PDE7B: variants seen among roughly 807,000 people sequenced by gnomAD.
PDE7B encodes 3',5'-cyclic-AMP phosphodiesterase 7B.
PDE7B carries 29 observed loss-of-function variants against 56.2 expected under a neutral mutation model. The ratio of observed to expected loss-of-function variants is 0.52; its 90% CI spans 0.38 to 0.70. The LOEUF (loss-of-function observed/expected upper bound fraction) is 0.70. Ranked by LOEUF, PDE7B falls within the 30% of genes least tolerant of loss-of-function variation. The probability of loss-of-function intolerance (pLI) is 0.00; values close to 1 mark genes in which losing one functional copy is unlikely to be tolerated. For missense variants in PDE7B, 490 were observed against 565.0 expected (o/e 0.87, Z 1.35); for synonymous variants, 197 against 196.9 (o/e 1.00, Z 0.00).
intron 2 of PDE7B, among the ~76,000 whole-genome samples, chr6:135,972,355 T>G (rs1775109686): frequency 6.6e-6 from 1 of 151,884 alleles, no homozygotes; most frequent in African/African-American, 2.4e-5. Context: ...TTTTGGCTAC[T>G]GTCAAGTCAT....
At chr6:135,946,289 A>G (rs1449108493) in intron 1 of PDE7B, among the ~76,000 whole-genome samples, 1 of 151,374 alleles carries the variant, frequency 6.6e-6, no homozygotes, top group Non-Finnish European at 1.5e-5. Context: ...TATTATATAT[A>G]TATGTTTTAC....
At chr6:136,162,154 A>T (rs1464668521) in intron 8 of PDE7B, 1 of 152,182 alleles carries the variant, frequency 6.6e-6, no homozygotes, top group Non-Finnish European at 1.5e-5. Context: ...CCTAGGTATA[A>T]AAATAGCAAG....
At chr6:136,146,944 C>T (rs1209162979) in intron 3 of PDE7B, among the ~76,000 whole-genome samples, 4 of 152,032 alleles carry the variant, frequency 2.6e-5, no homozygotes, top group East Asian at 1.9e-4. Context: ...AGGCTCAAGA[C>T]GAGCCTGGGC....
chr6:136,160,038 G>A (rs531997591), intron 8 of PDE7B, among the ~76,000 whole-genome samples: 17 of 152,230 alleles, frequency 1.1e-4, no homozygotes, highest in Non-Finnish European at 1.6e-4. Context: ...AAAGGGAAAC[G>A]AAGGTTTTGC....
intron 2 of PDE7B, among the ~76,000 whole-genome samples, chr6:136,103,389 C>T (rs1196542452): frequency 6.6e-6 from 1 of 152,204 alleles, no homozygotes; most frequent in Non-Finnish European, 1.5e-5. Flanking sequence ...AACCTTCCTC[C>T]TCTCTTTTAG....
At chr6:135,897,486 T>C (rs1775923547) in intron 1 of PDE7B, among the ~76,000 whole-genome samples, 1 of 152,108 alleles carries the variant, frequency 6.6e-6, no homozygotes, top group Non-Finnish European at 1.5e-5. Flanking sequence ...GAAGGTGAAC[T>C]GAACTATACA....
At chr6:136,182,861 G>A (rs181749648) in intron 11 of PDE7B, among the ~76,000 whole-genome samples, 12 of 152,202 alleles carry the variant, frequency 7.9e-5, no homozygotes, top group Admixed American at 7.2e-4. Context: ...ATCACCTGAG[G>A]TCAGGAACTT....
At chr6:136,091,925 A>G (rs966022236) in intron 2 of PDE7B, among the ~76,000 whole-genome samples, 16 of 152,266 alleles carry the variant, frequency 1.1e-4, no homozygotes, top group Non-Finnish European at 1.5e-4. Context: ...TGTAGAAGAC[A>G]TTATATACTA....
At chr6:136,081,038 A>G (rs930107605) in intron 2 of PDE7B, among the ~76,000 whole-genome samples, 3 of 152,166 alleles carry the variant, frequency 2.0e-5, no homozygotes, top group African/African-American at 7.2e-5. Flanking sequence ...CAAACAAATC[A>G]ATGAGGTTGG....
intron 1 of PDE7B, among the ~76,000 whole-genome samples, chr6:135,945,193 A>G (rs1279892686): frequency 6.6e-6 from 1 of 152,218 alleles, no homozygotes; most frequent in Non-Finnish European, 1.5e-5. Context: ...ATCAGACTCC[A>G]TGGGTCGTTA....
intron 8 of PDE7B, chr6:136,162,261 G>A (rs1054877017): frequency 6.6e-6 from 1 of 152,160 alleles, no homozygotes; most frequent in Non-Finnish European, 1.5e-5. Context: ...CAGTTCTGCA[G>A]GGCTGGGGAG....
chr6:135,904,117 G>A (rs1776054730), intron 1 of PDE7B, among the ~76,000 whole-genome samples: 1 of 152,144 alleles, frequency 6.6e-6, no homozygotes, highest in Non-Finnish European at 1.5e-5. Flanking sequence ...ATACCACAGG[G>A]AATGGGCAAG....
At chr6:135,950,742 T>C (rs1338452928) in intron 2 of PDE7B, among the ~76,000 whole-genome samples, 2 of 152,136 alleles carry the variant, frequency 1.3e-5, no homozygotes, top group African/African-American at 4.8e-5. Flanking sequence ...AGGGACTCCA[T>C]TTGCATTTCC....
intron 3 of PDE7B, among the ~76,000 whole-genome samples, chr6:136,131,416 A>G (rs568842139): frequency 6.6e-6 from 1 of 152,082 alleles, no homozygotes; most frequent in South Asian, 2.1e-4. Flanking sequence ...CCCTTCAGGT[A>G]AAATTTCAGG....
chr6:135,971,692 C>T (rs1044000923), intron 2 of PDE7B, among the ~76,000 whole-genome samples: 2 of 152,178 alleles, frequency 1.3e-5, no homozygotes, highest in Non-Finnish European at 2.9e-5. Context: ...CTGCCACTTA[C>T]TCATTGCATA....
intron 2 of PDE7B, among the ~76,000 whole-genome samples, chr6:136,054,540 C>T (rs1395771725): frequency 1.3e-5 from 2 of 151,980 alleles, no homozygotes; most frequent in Non-Finnish European, 2.9e-5. Context: ...CAATGCGAGC[C>T]CTTTTTTGGT....
chr6:136,143,734 A>C (rs1246820837), intron 3 of PDE7B, among the ~76,000 whole-genome samples: 2 of 152,086 alleles, frequency 1.3e-5, no homozygotes, highest in East Asian at 3.9e-4. Context: ...TTTTAGTCAA[A>C]GTTAGTGAAT....
intron 1 of PDE7B, among the ~76,000 whole-genome samples, chr6:135,878,878 A>G (rs1775550382): frequency 6.6e-6 from 1 of 152,188 alleles, no homozygotes; most frequent in Non-Finnish European, 1.5e-5. Context: ...TGATATTCAC[A>G]TGTACGTATT....
intron 2 of PDE7B, 150 bp from the exon 3 acceptor site, chr6:136,108,581 T>C: frequency 1.5e-6 from 1 of 645,552 alleles, no homozygotes; most frequent in East Asian, 2.8e-5. Context: ...CAGTATTAAA[T>C]ATTCCTTTCC....
Sources: allele counts gnomAD v4.1 joint callset (sites outside exome capture counted in the v4.1 genomes callset), GRCh38; gene constraint gnomAD v4.1.1; transcripts MANE v1.5; gene names NCBI Gene and HGNC (gene_info 2026-07-23, HGNC 2026-07-21).